Variants in FAM178B observed in about 807,000 individuals in gnomAD.
FAM178B encodes family with sequence similarity 178 member B.
A neutral mutation model predicts 91.7 loss-of-function variants in FAM178B; 82 were observed. The ratio of observed to expected loss-of-function variants is 0.89; its 90% CI spans 0.75 to 1.07. The LOEUF (loss-of-function observed/expected upper bound fraction) is 1.07. Among genes scored for constraint, FAM178B ranks in the 50% least tolerant of loss-of-function variants. The pLI is 0.00. For synonymous variants in FAM178B, 368 were observed against 359.4 expected, an observed-to-expected ratio of 1.02 and a Z score of -0.27; for missense variants, 769 against 846.7, an observed-to-expected ratio of 0.91 and a Z score of 1.14.
chr2:96,876,868 T>C (rs2153366825), intron 16 of FAM178B, among the ~76,000 whole-genome samples: 1 of 151,950 alleles, frequency 6.6e-6, no homozygotes, highest in Admixed American at 6.5e-5. Context: ...TGCTGTTTGT[T>C]GGAGAGATGG....
chr2:96,943,371 A>G lies in FAM178B; in HGVS notation c.1078+4447T>C, dbSNP rs539905747. 2.0e-5 allele frequency among the ~76,000 whole-genome samples: 3 copies of G among 152,114 alleles called. No homozygotes were observed. In the South Asian group the frequency reaches 6.2e-4, roughly 32 times the overall value. On this transcript the variant is annotated intron_variant, in intron 8 of 16. Coordinates refer to ENST00000490605, the MANE Select transcript of FAM178B (RefSeq NM_001122646.3). Reference sequence around the variant, plus strand: ...CTGGACATTTCAGAATAGGCATGAAATTTTCGTATCCATTTTCTTATCAGC... The same window carrying G: ...CTGGACATTTCAGAATAGGCATGAAGTTTTCGTATCCATTTTCTTATCAGC...
At chr2:96,895,416 C>T (rs1055677155) in intron 13 of FAM178B, among the ~76,000 whole-genome samples, 3 of 152,218 alleles carry the variant, frequency 2.0e-5, no homozygotes, top group African/African-American at 7.2e-5. Context: ...CCGCCCCAGC[C>T]CCCATTTAGT....
intron 6 of FAM178B, chr2:96,956,919 A>C (rs1295328032): frequency 6.6e-6 from 1 of 152,352 alleles, no homozygotes; most frequent in African/African-American, 2.4e-5. Context: ...GTGCACTGGC[A>C]TGATCACGGC....
chr2:96,968,534 C>T (rs2082176318), intron 4 of FAM178B, among the ~76,000 whole-genome samples: 1 of 152,166 alleles, frequency 6.6e-6, no homozygotes, highest in Non-Finnish European at 1.5e-5. Flanking sequence ...TCTCTCCACC[C>T]CAGGCCTGTC....
At chr2:96,920,950 G>A (rs751883226) in intron 12 of FAM178B, among the ~76,000 whole-genome samples, 2 of 152,142 alleles carry the variant, frequency 1.3e-5, no homozygotes, top group Non-Finnish European at 2.9e-5. Context: ...ATTGCACAAG[G>A]CAATTGTTTT....
At chr2:96,882,746 G>A (rs139274498) in intron 14 of FAM178B, among the ~76,000 whole-genome samples, 16 of 152,332 alleles carry the variant, frequency 1.1e-4, no homozygotes, top group Non-Finnish European at 1.9e-4. Context: ...TGGCCTCAGG[G>A]TTAGCCCTCC....
intron 12 of FAM178B, among the ~76,000 whole-genome samples, chr2:96,909,869 C>T (rs1345326480): frequency 6.6e-6 from 1 of 152,170 alleles, no homozygotes; most frequent in African/African-American, 2.4e-5. Flanking sequence ...CTGGGCCTGC[C>T]CTGGCCAACC....
In FAM178B at chr2:96,887,995, ACTTCAAGCCTGCTCG is replaced by A. The variant is rs1162478983; in HGVS notation, c.1776+5916_1776+5930del. 1.9e-4 allele frequency among the ~76,000 whole-genome samples: 29 copies of A among 152,250 alleles called. 1 individual carries two copies. In the East Asian group the frequency reaches 2.7e-3, roughly 14 times the overall value. Reference sequence around the variant, plus strand: ...CCTGCCTCCGCAGCTTAACTCTCTCACTTCAAGCCTGCTCGTACACTTGCAAAGAAACCAGAATTT... The same window carrying A: ...CCTGCCTCCGCAGCTTAACTCTCTCATACACTTGCAAAGAAACCAGAATTT... On this transcript the variant is annotated intron_variant, in intron 14 of 16. Transcript: ENST00000490605.
At chr2:96,977,946 C>T (rs765181278) in intron 1 of FAM178B, 36 of 58,284 alleles carry the variant, frequency 6.2e-4, no homozygotes, top group Non-Finnish European at 1.2e-3. Context: ...GAGGGTGGGG[C>T]GGGCGGGGGA....
At chr2:96,904,811 G>GTGGC (rs1250189558) in intron 12 of FAM178B, among the ~76,000 whole-genome samples, 2 of 152,008 alleles carry the variant, frequency 1.3e-5, no homozygotes, top group Non-Finnish European at 2.9e-5. Flanking sequence ...CTAGGAGTTT[G>GTGGC]TGGCTACCTT....
intron 3 of FAM178B, among the ~76,000 whole-genome samples, chr2:96,971,668 C>A (rs980062171): frequency 6.6e-6 from 1 of 152,204 alleles, no homozygotes; most frequent in African/African-American, 2.4e-5. Context: ...CCACCCAAAG[C>A]CATTTGTCAG....
At chr2:96,963,262 A>C (rs2082105530) in intron 5 of FAM178B, among the ~76,000 whole-genome samples, 1 of 152,222 alleles carries the variant, frequency 6.6e-6, no homozygotes, top group Non-Finnish European at 1.5e-5. Context: ...AAAGGTTTTA[A>C]AAGGTTTGAT....
rs938112366 is a variant in FAM178B at position 96,921,164 on chromosome 2, C to A, written c.1562+1G>T. 8.4e-6 allele frequency: 13 copies of A among 1,549,788 alleles called. No individual in the cohort carries two copies. In the African/African-American group the frequency reaches 1.8e-4, roughly 21 times the overall value. On this transcript the variant is annotated splice_donor_variant, in intron 12 of 16. Transcript: ENST00000490605. LOFTEE classifies it high-confidence loss of function. ...GGAGGCAGCGGGGGAGCAGCACGCA[C>A]CTGCTCCGGGAGGTCATGTCTGGGA...
chr2:96,969,375 T>C (rs1255468866), intron 4 of FAM178B, among the ~76,000 whole-genome samples: 1 of 152,190 alleles, frequency 6.6e-6, no homozygotes, highest in African/African-American at 2.4e-5. Flanking sequence ...GCTTGTGCTC[T>C]CTCTGCCACG....
chr2:96,961,271 C>T (rs558012568), intron 5 of FAM178B, among the ~76,000 whole-genome samples: 1 of 152,068 alleles, frequency 6.6e-6, no homozygotes, highest in Non-Finnish European at 1.5e-5. Flanking sequence ...GGACTGGCAA[C>T]GTGGCTGAGC....
At chr2:96,892,497 C>T (rs1236057528) in intron 14 of FAM178B, among the ~76,000 whole-genome samples, 2 of 152,168 alleles carry the variant, frequency 1.3e-5, no homozygotes, top group Non-Finnish European at 2.9e-5. Flanking sequence ...CAGGGGGAGG[C>T]TTTCAAACCT....
intron 13 of FAM178B, chr2:96,895,026 A>C (rs1290440965): frequency 7.8e-7 from 1 of 1,286,026 alleles, no homozygotes; most frequent in African/African-American, 1.5e-5. Context: ...CACCATGAAG[A>C]GAGACCATGG....
At chr2:96,884,366 G>C (rs1305660867) in intron 14 of FAM178B, among the ~76,000 whole-genome samples, 1 of 152,210 alleles carries the variant, frequency 6.6e-6, no homozygotes, top group Admixed American at 6.5e-5. Context: ...CATCCCCCTT[G>C]GGAAACAGCA....
intron 14 of FAM178B, among the ~76,000 whole-genome samples, chr2:96,886,182 T>C (rs1424137757): frequency 2.0e-5 from 3 of 151,958 alleles, no homozygotes; most frequent in Admixed American, 6.6e-5. Flanking sequence ...TTTGTAAGAG[T>C]GTCCCAGCCT....
Sources: allele counts gnomAD v4.1 joint callset (sites outside exome capture counted in the v4.1 genomes callset), GRCh38; gene constraint gnomAD v4.1.1; transcripts MANE v1.5; gene names NCBI Gene and HGNC (gene_info 2026-07-23, HGNC 2026-07-21).